The following PLAGL1 variants were observed in gnomAD, a reference collection of about 807,000 sequenced individuals.
PLAGL1 encodes the protein PLAG1 like zinc finger 1.
PLAGL1 carries 1 observed loss-of-function variant against 4.6 expected under a neutral mutation model. The ratio of observed to expected loss-of-function variants is 0.22; its 90% CI spans 0.08 to 1.03. The LOEUF (loss-of-function observed/expected upper bound fraction) is 1.03, where lower values mean the gene tolerates loss of function less well. PLAGL1 is among the 50% of genes least tolerant of loss of function. The probability of loss-of-function intolerance (pLI) is 0.58; values close to 1 mark genes in which losing one functional copy is unlikely to be tolerated. For synonymous variants in PLAGL1, 240 were observed against 237.8 expected (o/e 1.01, Z -0.08); for missense variants, 464 against 570.4 (o/e 0.81, Z 1.90).
intron 1 of PLAGL1, among the ~76,000 whole-genome samples, chr6:144,026,140 T>G (rs1000826611): frequency 5.3e-5 from 8 of 152,198 alleles, no homozygotes; most frequent in Non-Finnish European, 1.0e-4. Context: ...AGTATTAGAA[T>G]CCAACTTATA....
chr6:143,988,595 T>C (rs1026590758), intron 1 of PLAGL1, among the ~76,000 whole-genome samples: 1 of 152,260 alleles, frequency 6.6e-6, no homozygotes, highest in African/African-American at 2.4e-5. Context: ...TTCTAAAAAC[T>C]GACCATGCCT....
At chr6:144,013,039 G>A (rs1795296737), upstream of PLAGL1, among the ~76,000 whole-genome samples, 2 of 152,280 alleles carry the variant, frequency 1.3e-5, no homozygotes, top group Admixed American at 1.3e-4. The surrounding 1 kb of genome is among the most constrained non-coding windows in gnomAD (Gnocchi z 4.4). Flanking sequence ...TATTTCTCCA[G>A]GTCAAACTGG....
Position 143,941,662 on chromosome 6 carries a change from C to G in PLAGL1, c.1154G>C (p.Gly385Ala). 1.2e-6 allele frequency: 2 copies of G among 1,614,186 alleles called. No homozygotes were observed. Among genetic ancestry groups the G allele is most frequent in the Non-Finnish European group, 1.7e-6 (2 of 1,180,040 alleles). The change falls in exon 8 of 8, where the codon GGC (glycine) becomes GCC (alanine). Residue 385 changes from glycine (G) to alanine (A), a missense_variant. Gly to Ala is a moderately conservative substitution (Grantham distance 60). Transcript: ENST00000674357. This position sits in a 1 kb window ranked among gnomAD's most constrained non-coding sequence, Gnocchi z 6.0. The stretch of plus-strand genomic sequence containing the variant: ...AGCAGGAGGGGGCAGCTGCCAGAAG[C>G]CCAACAGGGGGGACAGGTCCAGAGA... ...PASLDLSPLLGFWQLPPPATQ... is the reference protein window; with the variant it reads ...PASLDLSPLLAFWQLPPPATQ...
intron 1 of PLAGL1, among the ~76,000 whole-genome samples, chr6:144,058,842 G>A (rs1481986281): frequency 6.6e-6 from 1 of 152,148 alleles, no homozygotes; most frequent in Non-Finnish European, 1.5e-5. Context: ...CTGTAGCTTT[G>A]CATGGTACAG....
In PLAGL1 at chr6:143,966,129, T is replaced by A. The variant is rs1784379001; in HGVS notation, c.-431+29A>T. The A allele has an allele frequency of 6.6e-6, 1 of 152,228 alleles. No homozygotes were observed. Among genetic ancestry groups the A allele is most frequent in the Admixed American group, 6.5e-5 (1 of 15,288 alleles). 9.4% of individuals were successfully genotyped at this position (152,228 alleles called of 1,614,324 possible). A position where few individuals can be genotyped will look rare whatever the true frequency, so the allele number is the denominator to read the frequency against. On this transcript the variant is annotated intron_variant, in intron 4 of 7. Transcript: ENST00000674357. This position sits in a 1 kb window ranked among gnomAD's most constrained non-coding sequence, Gnocchi z 6.0. ...AATGCTGCTGCCAGGCTGATTCTTCTAACATGCAAATATGTTCCTGTCACT... is the reference window on the plus strand; with the variant it reads ...AATGCTGCTGCCAGGCTGATTCTTCAAACATGCAAATATGTTCCTGTCACT...
rs981514070 is a variant in PLAGL1, at chr6:143,950,340, T to C, written c.-324-1880A>G. The stretch of plus-strand genomic sequence containing the variant: ...CCTGGTTCCCTTCCAGTATTCTAGT[T>C]CATGCCTGAGGCCCTATCTTGAGGA... On this transcript the variant is annotated intron_variant, in intron 6 of 7. Transcript: ENST00000674357. The surrounding 1 kb of genome is among the most constrained non-coding windows in gnomAD (Gnocchi z 6.3). Among the ~76,000 whole-genome samples, 1 of 152,194 alleles carries C rather than the reference T, an allele frequency of 6.6e-6. No individual in the cohort carries two copies. Among genetic ancestry groups the C allele is most frequent in the African/African-American group, 2.4e-5 (1 of 41,442 alleles).
intron 1 of PLAGL1, among the ~76,000 whole-genome samples, chr6:144,049,177 T>C (rs1334693532): frequency 1.3e-5 from 2 of 152,206 alleles, no homozygotes; most frequent in Non-Finnish European, 2.9e-5. Flanking sequence ...TGAGACCACC[T>C]CAGCCTGTAC....
intron 1 of PLAGL1, among the ~76,000 whole-genome samples, chr6:144,024,222 C>T (rs1211138886): frequency 2.6e-5 from 4 of 152,150 alleles, no homozygotes; most frequent in Admixed American, 2.6e-4. Context: ...CACACCTGGT[C>T]AGATTTTCAT....
intron 6 of PLAGL1, among the ~76,000 whole-genome samples, chr6:143,956,431 T>C (rs9321951): frequency 0.67 from 102,104 of 152,036 alleles, 34,359 homozygotes; most frequent in African/African-American, 0.69. Flanking sequence ...GGTCTACTGA[T>C]AGGCCTATGG....
intron 1 of PLAGL1, among the ~76,000 whole-genome samples, chr6:144,042,461 T>C (rs1250913830): frequency 6.6e-6 from 1 of 152,328 alleles, no homozygotes; most frequent in East Asian, 1.9e-4. Context: ...TTTTGTCAGG[T>C]TTGTCAAAGA....
chr6:144,038,621 G>A (rs773399701), intron 1 of PLAGL1, among the ~76,000 whole-genome samples: 8 of 152,120 alleles, frequency 5.3e-5, no homozygotes, highest in Non-Finnish European at 8.8e-5. Flanking sequence ...AAAATGACAT[G>A]TCCAAACAAA....
chr6:143,940,342 A>G lies in PLAGL1; in HGVS notation c.*1082T>C, dbSNP rs1778325194. On this transcript the variant is annotated 3_prime_UTR_variant, in exon 8 of 8. Coordinates refer to ENST00000674357, the MANE Select transcript of PLAGL1 (RefSeq NM_001317162.2). ...TTTATTATATGTAAGATATATGTTT[A>G]CGGAAAAGCCTCTAAAAACATAAGA... 1 of 152,216 alleles carries G rather than the reference A, an allele frequency of 6.6e-6. No homozygotes were observed. Among genetic ancestry groups the G allele is most frequent in the Non-Finnish European group, 1.5e-5 (1 of 68,036 alleles). 9.4% of individuals were successfully genotyped at this position (152,216 alleles called of 1,614,324 possible).
In PLAGL1 at chr6:143,985,966, T is replaced by C. The variant is rs1379630640; in HGVS notation, c.-583-792A>G. 9.3e-6 allele frequency among the ~76,000 whole-genome samples: 1 copy of C among 107,882 alleles called. No homozygotes were observed. The highest frequency in any genetic ancestry group is 1.0e-4 in the Admixed American group (1 of 10,048). 70.8% of individuals were successfully genotyped at this position (107,882 alleles called of 152,430 possible). ...GATATATATACACATATATATCAAA[T>C]TATATATATATAAAATTATATATAT... On this transcript the variant is annotated intron_variant, in intron 1 of 7. Coordinates refer to ENST00000674357, the MANE Select transcript of PLAGL1 (RefSeq NM_001317162.2). The surrounding 1 kb of genome is among the most constrained non-coding windows in gnomAD (Gnocchi z 4.4).
At position 143,960,251 on chromosome 6, in the gene PLAGL1, C is replaced by T. The variant is rs1783102964; in HGVS notation, c.-325+218G>A. On this transcript the variant is annotated intron_variant, in intron 6 of 7. Transcript: ENST00000674357. This position sits in a 1 kb window ranked among gnomAD's most constrained non-coding sequence, Gnocchi z 5.7. Reference sequence around the variant, plus strand: ...ATGAAAAGTTGCTAACTGCATCATCCAATTCCCTGAAACACATGTGCACTG... The same window carrying T: ...ATGAAAAGTTGCTAACTGCATCATCTAATTCCCTGAAACACATGTGCACTG... 6.6e-6 allele frequency among the ~76,000 whole-genome samples: 1 copy of T among 152,114 alleles called. No individual in the cohort carries two copies. The highest frequency in any genetic ancestry group is 6.6e-5 in the Admixed American group (1 of 15,266).
In PLAGL1 at chr6:144,039,355, T is replaced by C. The variant is rs906253040; in HGVS notation, c.-151+25113A>G. On this transcript the variant is annotated intron_variant, in intron 1 of 3. Coordinates refer to the PLAGL1 transcript ENST00000437412. This position sits in a 1 kb window ranked among gnomAD's most constrained non-coding sequence, Gnocchi z 4.1. ...ATCTCAACACTTTGGGAGGCAGAAG[T>C]GGGTGGATCATTAGAGGCCCAAAGT... Among the ~76,000 whole-genome samples, 5 of 152,046 alleles carry C rather than the reference T, an allele frequency of 3.3e-5. No individual in the cohort carries two copies. The highest frequency in any genetic ancestry group is 7.2e-5 in the African/African-American group (3 of 41,400).
rs1796267100 is a variant in PLAGL1, at chr6:144,025,446, TG to T, written c.-151+39021del. Among the ~76,000 whole-genome samples, 6 of 152,384 alleles carry T rather than the reference TG, an allele frequency of 3.9e-5. No individual in the cohort carries two copies. In the South Asian group the frequency reaches 1.2e-3, roughly 32 times the overall value. ...ACTTAATAATAATATGTATCACTAT[TG>T]GTTCATTAATTGTGACAAATGTACC... is the stretch of plus-strand genomic sequence containing the variant. On this transcript the variant is annotated intron_variant, in intron 1 of 3. Transcript: ENST00000437412.
chr6:144,042,309 CT>C (rs1053022108), intron 1 of PLAGL1, among the ~76,000 whole-genome samples: 1 of 152,130 alleles, frequency 6.6e-6, no homozygotes, highest in African/African-American at 2.4e-5. Flanking sequence ...GGTTTTAGGT[CT>C]AACATTTAAG....
chr6:143,972,114 G>A lies in PLAGL1; in HGVS notation c.-543-3136C>T, dbSNP rs1472982947. Among the ~76,000 whole-genome samples the A allele has an allele frequency of 2.0e-5, 3 of 152,186 alleles. No individual in the cohort carries two copies. The highest frequency in any genetic ancestry group is 7.2e-5 in the African/African-American group (3 of 41,450). The stretch of plus-strand genomic sequence containing the variant: ...ACCAATCAGGTTCTCCCAAAATTTA[G>A]TATTTGCAGTTGAAACTGTGATAAG... On this transcript the variant is annotated intron_variant, in intron 2 of 7. Transcript: ENST00000674357. The surrounding 1 kb of genome is among the most constrained non-coding windows in gnomAD (Gnocchi z 6.8).
At position 143,970,252 on chromosome 6, in the gene PLAGL1, G is replaced by A. The variant is rs2128579149; in HGVS notation, c.-543-1274C>T. Among the ~76,000 whole-genome samples, 2 of 152,304 alleles carry A rather than the reference G, an allele frequency of 1.3e-5. No homozygotes were observed. The highest frequency in any genetic ancestry group is 4.1e-4 in the South Asian group (2 of 4,820). On this transcript the variant is annotated intron_variant, in intron 2 of 7. Coordinates refer to ENST00000674357, the MANE Select transcript of PLAGL1 (RefSeq NM_001317162.2). This position sits in a 1 kb window ranked among gnomAD's most constrained non-coding sequence, Gnocchi z 5.8. ...GCATAAACTTTTAGGTATAAGCTGAGTTTGGGTTTTTCCTCCTGAATTGAG... is the reference window on the plus strand; with the variant it reads ...GCATAAACTTTTAGGTATAAGCTGAATTTGGGTTTTTCCTCCTGAATTGAG...
Sources: allele counts gnomAD v4.1 joint callset (sites outside exome capture counted in the v4.1 genomes callset), GRCh38; gene constraint gnomAD v4.1.1; non-coding constraint Gnocchi (gnomAD v3.1); transcripts MANE v1.5; gene names NCBI Gene and HGNC (gene_info 2026-07-23, HGNC 2026-07-21).